The following DRD3 variants were observed in gnomAD, a reference collection of about 807,000 sequenced individuals.
DRD3 encodes D(3) dopamine receptor.
In DRD3, 19 loss-of-function variants were observed where a neutral mutation model predicts 36.3. The ratio of observed to expected loss-of-function variants is 0.52; its 90% CI spans 0.36 to 0.77. DRD3 has a LOEUF of 0.77. DRD3 is among the 30% of genes least tolerant of loss of function. DRD3 has a pLI of 0.00. For missense variants in DRD3, 465 were observed against 505.3 expected, an observed-to-expected ratio of 0.92 and a Z score of 0.77; for synonymous variants, 195 against 203.7, an observed-to-expected ratio of 0.96 and a Z score of 0.36.
chr3:114,131,652 T>A (rs1454432028), intron 5 of DRD3, among the ~76,000 whole-genome samples: 2 of 152,010 alleles, frequency 1.3e-5, no homozygotes, highest in Non-Finnish European at 2.9e-5. Flanking sequence ...TGGGAGAAAA[T>A]TTTTGCAATC....
intron 5 of DRD3, among the ~76,000 whole-genome samples, chr3:114,138,774 G>C (rs1430398509): frequency 6.6e-6 from 1 of 152,092 alleles, no homozygotes; most frequent in Non-Finnish European, 1.5e-5. Flanking sequence ...TGAGTGGAGG[G>C]GTGCTTTATT....
At chr3:114,155,776 C>T (rs2077661363) in intron 3 of DRD3, among the ~76,000 whole-genome samples, 1 of 151,932 alleles carries the variant, frequency 6.6e-6, no homozygotes, top group Admixed American at 6.6e-5. Context: ...AGAGGAGGCT[C>T]AGGAACTACG....
At chr3:114,141,968 G>T (rs753967996) in intron 4 of DRD3, among the ~76,000 whole-genome samples, 1 of 140,950 alleles carries the variant, frequency 7.1e-6, no homozygotes, top group Non-Finnish European at 1.5e-5. Flanking sequence ...AGAACCGCTT[G>T]AACCCAGGAG....
In DRD3 at chr3:114,190,322, T is replaced by A. The variant is rs192139318; in HGVS notation, c.-156+8951A>T. Among the ~76,000 whole-genome samples the A allele has an allele frequency of 9.4e-5, 14 of 149,140 alleles. No individual in the cohort carries two copies. In the East Asian group the frequency reaches 2.6e-3, roughly 28 times the overall value. Reference sequence around the variant, plus strand: ...TTGCTGGCTGGCTGCCCACTGGGCCTATAAGCATGTCCTCAGTGAATGTTA... The same window carrying A: ...TTGCTGGCTGGCTGCCCACTGGGCCAATAAGCATGTCCTCAGTGAATGTTA... On this transcript the variant is annotated intron_variant, in intron 1 of 7. Transcript: ENST00000460779.
intron 2 of DRD3, among the ~76,000 whole-genome samples, chr3:114,170,670 G>T (rs911238651): frequency 4.6e-5 from 7 of 152,000 alleles, no homozygotes; most frequent in Non-Finnish European, 8.8e-5. Flanking sequence ...TTTAACAAAG[G>T]TATTAGCACA....
At chr3:114,170,667 A>G (rs2077830936) in intron 2 of DRD3, among the ~76,000 whole-genome samples, 1 of 152,150 alleles carries the variant, frequency 6.6e-6, no homozygotes. Context: ...ATCTTTAACA[A>G]AGGTATTAGC....
At chr3:114,150,840 C>T (rs537316269) in intron 3 of DRD3, among the ~76,000 whole-genome samples, 1 of 152,156 alleles carries the variant, frequency 6.6e-6, no homozygotes, top group Admixed American at 6.5e-5. Context: ...CAGCACTGCC[C>T]GAATCTGCCT....
At chr3:114,141,131 A>G (rs2077520089) in intron 4 of DRD3, among the ~76,000 whole-genome samples, 1 of 152,226 alleles carries the variant, frequency 6.6e-6, no homozygotes, top group South Asian at 2.1e-4. Context: ...TCCCAGGTTC[A>G]AGCGATTCTC....
intron 4 of DRD3, among the ~76,000 whole-genome samples, chr3:114,145,119 T>C (rs1186215385): frequency 6.6e-6 from 1 of 151,764 alleles, no homozygotes; most frequent in African/African-American, 2.4e-5. Flanking sequence ...GGAACCACAG[T>C]CAGCCCAGCA....
chr3:114,177,546 T>C (rs1282639876), intron 1 of DRD3, among the ~76,000 whole-genome samples: 5 of 152,324 alleles, frequency 3.3e-5, no homozygotes, highest in Middle Eastern at 3.4e-3. Flanking sequence ...CAAATATTAA[T>C]TGATGACAAA....
intron 4 of DRD3, among the ~76,000 whole-genome samples, chr3:114,140,358 C>T (rs576436619): frequency 4.6e-4 from 70 of 152,184 alleles, no homozygotes; most frequent in African/African-American, 1.5e-3. Flanking sequence ...GGTCCTTGTC[C>T]CTGCTTTATA....
intron 3 of DRD3, among the ~76,000 whole-genome samples, chr3:114,151,404 G>C (rs908867687): frequency 2.0e-5 from 3 of 152,096 alleles, no homozygotes; most frequent in African/African-American, 7.2e-5. Context: ...CTGGTAAATG[G>C]CTAACAACAG....
chr3:114,182,589 A>T (rs545262239), upstream of DRD3, among the ~76,000 whole-genome samples: 3 of 151,718 alleles, frequency 2.0e-5, no homozygotes, highest in Non-Finnish European at 4.4e-5. Flanking sequence ...ACTACCCTCC[A>T]TCATCATCTA....
intron 1 of DRD3, among the ~76,000 whole-genome samples, chr3:114,188,004 C>T (rs142423543): frequency 0.015 from 2,354 of 152,078 alleles, 28 homozygotes; most frequent in Non-Finnish European, 0.027. Flanking sequence ...AAAAGAGAAG[C>T]AAATACCTGA....
Position 114,128,865 on chromosome 3 carries a change from T to G in DRD3, c.1054A>C (p.Asn352His), listed in dbSNP as rs1341370343. ...ACGTGGCATGTCTGGCAGTGGGTAT[T>G]GAGAACATGGGTCAAGAAGAAGGGC... ...WLPFFLTHVL[N>H]THCQTCHVSP... The change falls in exon 7 of 7, where the codon AAT becomes CAT. Residue 352 changes from asparagine to histidine, a missense_variant. Physicochemically the swap from Asn to His is moderately conservative, Grantham distance 68. Coordinates refer to ENST00000383673, the MANE Select transcript of DRD3 (RefSeq NM_000796.6). 6.2e-7 allele frequency: 1 copy of G among 1,612,796 alleles called. No homozygotes were observed. The highest frequency in any genetic ancestry group is 1.3e-5 in the African/African-American group (1 of 74,836).
chr3:114,166,488 A>G (rs978007533), intron 2 of DRD3, among the ~76,000 whole-genome samples: 1 of 152,136 alleles, frequency 6.6e-6, no homozygotes, highest in African/African-American at 2.4e-5. Context: ...ATAAAAGGAC[A>G]AGTTCATTCC....
At chr3:114,190,241 G>A (rs947617609) in intron 1 of DRD3, among the ~76,000 whole-genome samples, 1 of 151,146 alleles carries the variant, frequency 6.6e-6, no homozygotes, top group Non-Finnish European at 1.5e-5. Flanking sequence ...TTTGAGCACA[G>A]GGGTGGTGAA....
intron 2 of DRD3, 91 bp from the exon 3 acceptor site, chr3:114,159,958 T>A: frequency 1.8e-6 from 2 of 1,081,864 alleles, no homozygotes; most frequent in Non-Finnish European, 2.8e-6. Flanking sequence ...CTGCCTAGTG[T>A]AGATGTTGGC....
upstream of DRD3, among the ~76,000 whole-genome samples, chr3:114,181,738 T>C (rs564376754): frequency 1.5e-4 from 23 of 152,334 alleles, no homozygotes; most frequent in Middle Eastern, 6.8e-3. Context: ...GGTGGGCTTC[T>C]GATACATATG....
Sources: allele counts gnomAD v4.1 joint callset (sites outside exome capture counted in the v4.1 genomes callset), GRCh38; gene constraint gnomAD v4.1.1; transcripts MANE v1.5; gene names NCBI Gene and HGNC (gene_info 2026-07-23, HGNC 2026-07-21).